The following ERBB4 variants were observed in gnomAD, a reference collection of about 807,000 sequenced individuals.
ERBB4 encodes the protein erb-b2 receptor tyrosine kinase 4, also known as receptor tyrosine-protein kinase erbB-4.
ERBB4 carries 42 observed loss-of-function variants against 158.0 expected under a neutral mutation model. That is an observed-to-expected ratio of 0.27 (90% confidence interval 0.21 to 0.34). The LOEUF (loss-of-function observed/expected upper bound fraction) is 0.34, where lower values mean the gene tolerates loss of function less well. ERBB4 is among the 10% of genes least tolerant of loss of function. The probability of loss-of-function intolerance (pLI) is 1.00; values close to 1 mark genes in which losing one functional copy is unlikely to be tolerated. For synonymous variants in ERBB4, 583 were observed against 558.7 expected, an observed-to-expected ratio of 1.04 and a Z score of -0.61; for missense variants, 1,333 against 1,624.1, an observed-to-expected ratio of 0.82 and a Z score of 3.08.
chr2:211,861,349 T>G (rs1382966322), intron 3 of ERBB4, among the ~76,000 whole-genome samples: 1 of 44,882 alleles, frequency 2.2e-5, no homozygotes, highest in Non-Finnish European at 4.4e-5. Context: ...GTTTTTTTTT[T>G]GTTTTTTTTT....
chr2:211,733,986 G>A (rs918082176), intron 5 of ERBB4, among the ~76,000 whole-genome samples: 6 of 151,974 alleles, frequency 3.9e-5, no homozygotes, highest in Admixed American at 1.3e-4. Flanking sequence ...AGGTTGCAGC[G>A]AGCTGAGATC....
chr2:212,498,102 G>T (rs1252225527), intron 1 of ERBB4, among the ~76,000 whole-genome samples: 1 of 150,924 alleles, frequency 6.6e-6, no homozygotes, highest in Non-Finnish European at 1.5e-5. Context: ...TCTATTGTGT[G>T]TGTGTGCATA....
intron 20 of ERBB4, among the ~76,000 whole-genome samples, chr2:211,513,377 C>CAAAAAAAAAAAAAAAAAAAAAAAA (rs1167274491): frequency 1.8e-5 from 1 of 55,746 alleles, no homozygotes; most frequent in African/African-American, 5.0e-5. Flanking sequence ...AAAAAAAAAA[C>CAAAAAAAAAAAAAAAAAAAAAAAA]AAAAAAAAAA....
chr2:212,445,246 T>C (rs984117048), intron 1 of ERBB4, among the ~76,000 whole-genome samples: 1 of 152,064 alleles, frequency 6.6e-6, no homozygotes, highest in African/African-American at 2.4e-5. Flanking sequence ...TGAATCAGCA[T>C]CCAATATATG....
At chr2:211,921,148 T>G (rs2125077176) in intron 3 of ERBB4, among the ~76,000 whole-genome samples, 1 of 152,196 alleles carries the variant, frequency 6.6e-6, no homozygotes, top group South Asian at 2.1e-4. Flanking sequence ...CTATCACTTC[T>G]TACTACAAAT....
At chr2:212,537,516 G>A (rs1693157329) in intron 1 of ERBB4, among the ~76,000 whole-genome samples, 1 of 152,044 alleles carries the variant, frequency 6.6e-6, no homozygotes, top group Non-Finnish European at 1.5e-5. Flanking sequence ...TGCCTGCCCA[G>A]GTACCTGGGG....
intron 2 of ERBB4, among the ~76,000 whole-genome samples, chr2:211,986,643 T>C (rs1031638626): frequency 6.6e-6 from 1 of 152,144 alleles, no homozygotes; most frequent in African/African-American, 2.4e-5. Flanking sequence ...CCAGATTTCC[T>C]AGCCTTGGAA....
intron 3 of ERBB4, among the ~76,000 whole-genome samples, chr2:211,917,299 G>T (rs1392501882): frequency 2.7e-5 from 4 of 149,522 alleles, no homozygotes; most frequent in African/African-American, 9.8e-5. Context: ...TCCCCATGCT[G>T]TGTGCTACAG....
chr2:212,402,442 A>G (rs1004563997), intron 1 of ERBB4, among the ~76,000 whole-genome samples: 1 of 152,080 alleles, frequency 6.6e-6, no homozygotes, highest in Non-Finnish European at 1.5e-5. Flanking sequence ...GGTGAACACA[A>G]GAGCCTACCC....
chr2:212,270,692 C>T (rs1207700452), intron 1 of ERBB4, among the ~76,000 whole-genome samples: 1 of 151,726 alleles, frequency 6.6e-6, no homozygotes, highest in Non-Finnish European at 1.5e-5. Flanking sequence ...CACCATGTAA[C>T]AAGTCTGATT....
rs1559321186 is a variant in ERBB4 at position 212,015,103 on chromosome 2, TATATATATAAA to T, written c.235-67498_235-67488del. Among the ~76,000 whole-genome samples, 9 of 80,350 alleles carry T rather than the reference TATATATATAAA, an allele frequency of 1.1e-4. 1 individual carries two copies. The highest frequency in any genetic ancestry group is 4.5e-4 in the South Asian group (1 of 2,220). 52.7% of individuals were successfully genotyped at this position (80,350 alleles called of 152,430 possible). On this transcript the variant is annotated intron_variant, in intron 2 of 27. Transcript: ENST00000342788. ...ATATATATATATATATATATATATATATATATATAAAAATTAGCCGGGCATGGTGGCGGGTG... is the reference window on the plus strand; with the variant it reads ...ATATATATATATATATATATATATATAATTAGCCGGGCATGGTGGCGGGTG...
chr2:211,602,766 T>C (rs1170650517), intron 19 of ERBB4, among the ~76,000 whole-genome samples: 1 of 152,112 alleles, frequency 6.6e-6, no homozygotes, highest in African/African-American at 2.4e-5. Context: ...AATGAAATAC[T>C]AAACTAAGAA....
intron 1 of ERBB4, among the ~76,000 whole-genome samples, chr2:212,273,620 C>A (rs1435310715): frequency 1.3e-5 from 2 of 151,716 alleles, no homozygotes; most frequent in African/African-American, 4.8e-5. Flanking sequence ...AACATTCATC[C>A]CCACACAAAA....
chr2:212,207,965 A>C (rs1389408626), intron 1 of ERBB4, among the ~76,000 whole-genome samples: 1 of 152,104 alleles, frequency 6.6e-6, no homozygotes, highest in Admixed American at 6.6e-5. Context: ...AGTAAAATAA[A>C]CTGTGCTAAT....
chr2:212,310,609 ATGTGTG>A (rs56209146), intron 1 of ERBB4, among the ~76,000 whole-genome samples: 15,522 of 143,058 alleles, frequency 0.11, 1,087 homozygotes, highest in African/African-American at 0.2. Context: ...ATATATGTAT[ATGTGTG>A]TGTGTGTGTG....
In ERBB4 at chr2:211,525,920, A is replaced by G. The variant is rs375039107; in HGVS notation, c.2487+35983T>C. ...GTCTTATGGTTTGAAGGCCAACCAA[A>G]CCATAGAATAGACCACCAGGTAAGC... On this transcript the variant is annotated intron_variant, in intron 20 of 27. Transcript: ENST00000342788. Among the ~76,000 whole-genome samples the G allele has an allele frequency of 9.5e-4, 145 of 152,004 alleles. 1 individual carries two copies. The highest frequency in any genetic ancestry group is 3.3e-3 in the African/African-American group (135 of 41,478).
chr2:212,099,901 T>C (rs1413879731), intron 2 of ERBB4, among the ~76,000 whole-genome samples: 1 of 152,104 alleles, frequency 6.6e-6, no homozygotes, highest in Non-Finnish European at 1.5e-5. Flanking sequence ...AGCATACTAA[T>C]TCCATTTTAA....
intron 2 of ERBB4, among the ~76,000 whole-genome samples, chr2:212,056,906 A>G (rs935694349): frequency 3.9e-5 from 6 of 152,222 alleles, no homozygotes; most frequent in Non-Finnish European, 8.8e-5. Context: ...TCATAATGAC[A>G]GGATCAAATT....
At chr2:212,418,051 G>C (rs1189531016) in intron 1 of ERBB4, among the ~76,000 whole-genome samples, 1 of 151,926 alleles carries the variant, frequency 6.6e-6, no homozygotes, top group Non-Finnish European at 1.5e-5. Context: ...AAGTCAGGAA[G>C]AAGGCCCTTA....
Sources: gnomAD v4.1 joint callset for allele counts (sites outside exome capture counted in the v4.1 genomes callset) on GRCh38, gnomAD v4.1.1 for gene constraint, MANE v1.5 for transcripts, NCBI Gene and HGNC (gene_info 2026-07-23, HGNC 2026-07-21) for gene names.